The following TRPM6 variants were observed in gnomAD, a reference collection of about 807,000 sequenced individuals.
TRPM6 encodes transient receptor potential cation channel subfamily M member 6.
TRPM6 carries 111 observed loss-of-function variants against 247.6 expected under a neutral mutation model. The observed-to-expected ratio is 0.45, with a 90% confidence interval of 0.38 to 0.52. TRPM6 has a LOEUF of 0.52. TRPM6 is among the 20% of genes least tolerant of loss of function. The probability of loss-of-function intolerance (pLI) is 0.00; values close to 1 mark genes in which losing one functional copy is unlikely to be tolerated. For missense variants in TRPM6, 2,126 were observed against 2,421.5 expected, an observed-to-expected ratio of 0.88 and a Z score of 2.56; for synonymous variants, 892 against 853.8, an observed-to-expected ratio of 1.04 and a Z score of -0.78.
In TRPM6 at chr9:74,778,850, T is replaced by G. The variant is rs73650073; in HGVS notation, c.3210-2774A>C. Among the ~76,000 whole-genome samples, 685 of 152,098 alleles carry G rather than the reference T, an allele frequency of 4.5e-3. 4 individuals are homozygous for G. Among genetic ancestry groups the G allele is most frequent in the African/African-American group, 0.015 (642 of 41,484 alleles). On this transcript the variant is annotated intron_variant, in intron 23 of 38. Transcript: ENST00000360774. ...ATGAGCAGCAGGTGTTCACCCAACC[T>G]CGAGTGTACACCCCTAGTGACTGGG...
chr9:74,885,290 T>C (rs1311764180), intron 1 of TRPM6, among the ~76,000 whole-genome samples: 1 of 152,208 alleles, frequency 6.6e-6, no homozygotes, highest in Non-Finnish European at 1.5e-5. Context: ...TAAGTGGTAG[T>C]GGCAGGAAAA....
At chr9:74,823,529 T>C (rs1025278423) in intron 7 of TRPM6, among the ~76,000 whole-genome samples, 9 of 152,138 alleles carry the variant, frequency 5.9e-5, no homozygotes, top group African/African-American at 1.7e-4. Flanking sequence ...TCCATCGATT[T>C]AGTTGCTTTG....
intron 15 of TRPM6, among the ~76,000 whole-genome samples, chr9:74,802,970 C>T (rs1828396728): frequency 6.6e-6 from 1 of 152,124 alleles, no homozygotes; most frequent in Admixed American, 6.5e-5. Flanking sequence ...CTCCCCTCCC[C>T]ACCCACCTTC....
At chr9:74,820,713 C>G (rs1829106199) in intron 8 of TRPM6, among the ~76,000 whole-genome samples, 1 of 151,990 alleles carries the variant, frequency 6.6e-6, no homozygotes, top group Non-Finnish European at 1.5e-5. Context: ...CCAGCCTGGG[C>G]AAAATAGCAA....
chr9:74,853,661 A>G (rs958872240), intron 3 of TRPM6, among the ~76,000 whole-genome samples: 1 of 152,140 alleles, frequency 6.6e-6, no homozygotes, highest in Non-Finnish European at 1.5e-5. Context: ...TGAAGGCAGC[A>G]TGCTCGTTAA....
intron 23 of TRPM6, 22 bp downstream of exon 23, chr9:74,782,340 A>T (rs763459961): frequency 8.0e-6 from 12 of 1,508,278 alleles, no homozygotes; most frequent in Non-Finnish European, 1.1e-5. Flanking sequence ...TTAAATAATC[A>T]TATTTAATTG....
intron 28 of TRPM6, among the ~76,000 whole-genome samples, chr9:74,755,118 A>G (rs1328113937): frequency 6.6e-6 from 1 of 152,236 alleles, no homozygotes. Flanking sequence ...TTTGAATACA[A>G]GAGACTATCT....
At chr9:74,734,420 T>C (rs1292455053) in intron 36 of TRPM6, among the ~76,000 whole-genome samples, 1 of 152,236 alleles carries the variant, frequency 6.6e-6, no homozygotes, top group Non-Finnish European at 1.5e-5. Flanking sequence ...TAAGAAAATG[T>C]AATCCTTATA....
intron 2 of TRPM6, among the ~76,000 whole-genome samples, chr9:74,857,291 A>G (rs1830557106): frequency 6.6e-6 from 1 of 152,180 alleles, no homozygotes; most frequent in African/African-American, 2.4e-5. Context: ...AAAGAACACT[A>G]TTTCAGTCAT....
At chr9:74,769,805 GAGGA>G (rs369991028) in intron 25 of TRPM6, among the ~76,000 whole-genome samples, 1 of 147,070 alleles carries the variant, frequency 6.8e-6, no homozygotes, top group South Asian at 2.3e-4. Flanking sequence ...GGGAGGGAGG[GAGGA>G]AGGAAACCAA....
At chr9:74,784,353 C>A (rs1461781099) in intron 21 of TRPM6, among the ~76,000 whole-genome samples, 1 of 152,022 alleles carries the variant, frequency 6.6e-6, no homozygotes, top group African/African-American at 2.4e-5. Flanking sequence ...AGCTAGGTGG[C>A]CCAATTTTGA....
intron 3 of TRPM6, among the ~76,000 whole-genome samples, chr9:74,846,840 C>T (rs1044608446): frequency 3.3e-5 from 5 of 152,176 alleles, no homozygotes; most frequent in Admixed American, 3.3e-4. Flanking sequence ...TGAGCCACTG[C>T]TCCCGGCTAT....
At chr9:74,852,180 C>T (rs927145320) in intron 3 of TRPM6, among the ~76,000 whole-genome samples, 4 of 151,198 alleles carry the variant, frequency 2.6e-5, no homozygotes, top group South Asian at 2.1e-4. Context: ...TGCAATGTAG[C>T]GGAACTACTT....
chr9:74,761,963 G>C, intron 26 of TRPM6, 36 bp downstream of exon 26: 1 of 1,599,896 alleles, frequency 6.3e-7, no homozygotes, highest in Non-Finnish European at 8.6e-7. Context: ...CAATGCAAAG[G>C]ACTTAATGCT....
At chr9:74,875,133 A>G in intron 1 of TRPM6, 2 of 396,020 alleles carry the variant, frequency 5.1e-6, no homozygotes, top group East Asian at 1.6e-4. Context: ...GCCACTAAAT[A>G]AGTAAATAAT....
In TRPM6 at chr9:74,802,177, T is replaced by C. The variant is rs1223581630; in HGVS notation, c.1732-2A>G. On this transcript the variant is annotated splice_acceptor_variant, in intron 15 of 38. Transcript: ENST00000360774. LOFTEE classifies it high-confidence loss of function. Reference sequence around the variant, plus strand: ...TTTATGAAGGACTATAGACTTTTCCTGTTGGAAAATAAAATAGGAATGAGT... The same window carrying C: ...TTTATGAAGGACTATAGACTTTTCCCGTTGGAAAATAAAATAGGAATGAGT... 4 of 1,613,280 alleles carry C rather than the reference T, an allele frequency of 2.5e-6. No homozygotes were observed. Among genetic ancestry groups the C allele is most frequent in the Non-Finnish European group, 3.4e-6 (4 of 1,179,276 alleles).
At chr9:74,839,888 AGGAAGGAGGGAGGGAG>A in intron 5 of TRPM6, 120 bp downstream of exon 5, 2 of 179,506 alleles carry the variant, frequency 1.1e-5, no homozygotes, top group Non-Finnish European at 1.7e-5. Flanking sequence ...GAAGGAAGGA[AGGAAGGAGGGAGGGAG>A]GGAGGGAGGG....
chr9:74,727,661 G>A (rs1046169176), intron 38 of TRPM6, among the ~76,000 whole-genome samples: 4 of 152,148 alleles, frequency 2.6e-5, no homozygotes, highest in African/African-American at 9.7e-5. Context: ...CTGCCCATTT[G>A]GAGGGCACAG....
chr9:74,801,282 G>A (rs963211020), intron 16 of TRPM6, among the ~76,000 whole-genome samples: 42 of 124,560 alleles, frequency 3.4e-4, no homozygotes, highest in East Asian at 9.5e-4. Flanking sequence ...TTTTATTGAC[G>A]GAGTCTCACT....
Sources: gnomAD v4.1 joint callset for allele counts (sites outside exome capture counted in the v4.1 genomes callset) on GRCh38, gnomAD v4.1.1 for gene constraint, MANE v1.5 for transcripts, NCBI Gene and HGNC (gene_info 2026-07-23, HGNC 2026-07-21) for gene names.